The following SEL1L2 variants were observed in gnomAD, a reference collection of about 807,000 sequenced individuals.
The protein encoded by SEL1L2 is protein sel-1 homolog 2.
Under a neutral mutation model 98.8 loss-of-function variants are expected in SEL1L2, and 89 were observed. That is an observed-to-expected ratio of 0.90 (90% CI 0.76 to 1.07). The LOEUF (loss-of-function observed/expected upper bound fraction) is 1.07. Ranked by LOEUF, SEL1L2 falls within the 50% of genes least tolerant of loss-of-function variation. The pLI, the probability that SEL1L2 is intolerant of heterozygous loss-of-function variation, is 0.00. For missense variants in SEL1L2, 788 were observed against 812.0 expected (o/e 0.97, Z 0.36); for synonymous variants, 262 against 278.5 (o/e 0.94, Z 0.59).
intron 10 of SEL1L2, among the ~76,000 whole-genome samples, chr20:13,878,509 C>A (rs1013715197): frequency 6.6e-6 from 1 of 152,126 alleles, no homozygotes; most frequent in South Asian, 2.1e-4. Context: ...TAGGATACGA[C>A]CTTTCTGCTC....
intron 5 of SEL1L2, among the ~76,000 whole-genome samples, chr20:13,897,446 T>C (rs895982068): frequency 2.0e-5 from 3 of 152,134 alleles, no homozygotes; most frequent in Non-Finnish European, 4.4e-5. Flanking sequence ...AGGAAACAAT[T>C]GATACAGTAA....
chr20:13,950,081 A>G (rs1380159815), intron 2 of SEL1L2, among the ~76,000 whole-genome samples: 1 of 152,240 alleles, frequency 6.6e-6, no homozygotes, highest in Non-Finnish European at 1.5e-5. Flanking sequence ...ATTAAAAGAA[A>G]AACACTGTAT....
chr20:13,866,831 C>T lies in SEL1L2; in HGVS notation c.1275G>A (p.Lys425=). ...AATATTTGAAGGCAAGTTTATAATCCTTCCATATTCCAGAGCCAGCTGAAA... is the reference window on the plus strand; with the variant it reads ...AATATTTGAAGGCAAGTTTATAATCTTTCCATATTCCAGAGCCAGCTGAAA... The part of the protein sequence containing the change: ...FMYYSGSGIW[K]DYKLAFKYFY... Residue 425 remains lysine (K), a synonymous_variant, in exon 15 of 20, where the codon AAG becomes AAA. Coordinates refer to ENST00000284951, the MANE Select transcript of SEL1L2 (RefSeq NM_025229.2). 1 of 1,609,204 alleles carries T rather than the reference C, an allele frequency of 6.2e-7. No homozygotes were observed. The highest frequency in any genetic ancestry group is 2.2e-5 in the East Asian group (1 of 44,658).
chr20:13,867,997 G>C lies in SEL1L2; in HGVS notation c.1256-1147C>G, dbSNP rs374200002. ...TCCTCTGACATGAAGGACTTGGTGG[G>C]GATACTCAGGTATGTTCATATCTCC... On this transcript the variant is annotated intron_variant, in intron 14 of 19. Transcript: ENST00000284951. Among the ~76,000 whole-genome samples, 57 of 151,998 alleles carry C rather than the reference G, an allele frequency of 3.8e-4. 1 individual carries two copies. In the East Asian group the frequency reaches 6.8e-3, roughly 18 times the overall value.
At chr20:13,915,189 G>A (rs1285925123) in intron 4 of SEL1L2, 4 of 1,289,516 alleles carry the variant, frequency 3.1e-6, no homozygotes, top group Non-Finnish European at 4.0e-6. Flanking sequence ...GAGCAGAGTA[G>A]TCCAGGCAAG....
intron 1 of SEL1L2, among the ~76,000 whole-genome samples, chr20:13,980,667 C>T (rs1479146546): frequency 1.3e-5 from 2 of 152,096 alleles, no homozygotes; most frequent in South Asian, 2.1e-4. Context: ...ATCAGTATGT[C>T]GAAAAGATGT....
intron 2 of SEL1L2, among the ~76,000 whole-genome samples, chr20:13,944,495 G>A (rs949288289): frequency 1.3e-5 from 2 of 152,188 alleles, no homozygotes; most frequent in East Asian, 1.9e-4. Flanking sequence ...TAAGATTTTT[G>A]TTCTAAGCAT....
At position 13,849,492 on chromosome 20, in the gene SEL1L2, T is replaced by C. The variant is rs752674256; in HGVS notation, c.2060A>G (p.His687Arg). 6.2e-7 allele frequency: 1 copy of C among 1,613,890 alleles called. No individual in the cohort carries two copies. Among genetic ancestry groups the C allele is most frequent in the Non-Finnish European group, 8.5e-7 (1 of 1,179,926 alleles). ...PGLILLLRNH[H>R]G is the part of the protein sequence containing the mutation. The stretch of plus-strand genomic sequence containing the variant: ...TTTCCTGTGATCCGCATCCTACCCA[T>C]GGTGATTTCTAAGCAACAAAATCAG... The change falls in exon 20 of 20, where the codon CAT becomes CGT. Residue 687 changes from histidine to arginine, a missense_variant. Transcript: ENST00000284951.
intron 1 of SEL1L2, among the ~76,000 whole-genome samples, chr20:13,983,037 A>AAAAAAAAAAAAAAAC (rs2051929277): frequency 7.1e-6 from 1 of 141,312 alleles, no homozygotes; most frequent in Admixed American, 7.2e-5. Flanking sequence ...AAAAAAAAAA[A>AAAAAAAAAAAAAAAC]AAAAAAAAAA....
intron 17 of SEL1L2, among the ~76,000 whole-genome samples, 172 bp from the exon 18 acceptor site, chr20:13,859,606 T>C (rs1600476177): frequency 1.3e-5 from 2 of 152,224 alleles, no homozygotes; most frequent in South Asian, 4.1e-4. Flanking sequence ...TTAGATATAC[T>C]TTATGGAATA....
intron 10 of SEL1L2, among the ~76,000 whole-genome samples, chr20:13,882,581 A>G (rs2046756029): frequency 6.6e-6 from 1 of 152,216 alleles, no homozygotes; most frequent in Admixed American, 6.5e-5. Context: ...TGAAGCCATC[A>G]TAAACCAGCC....
intron 12 of SEL1L2, among the ~76,000 whole-genome samples, chr20:13,872,320 T>C (rs1340349981): frequency 2.0e-5 from 3 of 152,186 alleles, no homozygotes; most frequent in Non-Finnish European, 4.4e-5. Context: ...TGGGAGGTAA[T>C]TGAATCATGG....
chr20:13,885,707 A>G (rs964239880), intron 9 of SEL1L2, among the ~76,000 whole-genome samples: 1 of 152,154 alleles, frequency 6.6e-6, no homozygotes, highest in African/African-American at 2.4e-5. Flanking sequence ...CCAAAAACAG[A>G]ACCTTTCTGG....
intron 2 of SEL1L2, among the ~76,000 whole-genome samples, chr20:13,945,084 G>T (rs76662179): frequency 0.023 from 3,515 of 152,236 alleles, 53 homozygotes; most frequent in Non-Finnish European, 0.038. Flanking sequence ...CAGGGTTAAG[G>T]TTTTACCAAT....
Position 13,866,838 on chromosome 20 carries a change from A to T in SEL1L2, c.1268T>A (p.Ile423Lys). 1.2e-6 allele frequency: 2 copies of T among 1,605,600 alleles called. No individual in the cohort carries two copies. The highest frequency in any genetic ancestry group is 1.7e-6 in the Non-Finnish European group (2 of 1,177,482). Residue 423 changes from isoleucine to lysine, a missense_variant, in exon 15 of 20, where the codon ATA becomes AAA. Transcript: ENST00000284951. Reference sequence around the variant, plus strand: ...GAAGGCAAGTTTATAATCCTTCCATATTCCAGAGCCAGCTGAAAATTAAAA... The same window carrying T: ...GAAGGCAAGTTTATAATCCTTCCATTTTCCAGAGCCAGCTGAAAATTAAAA... ...LGFMYYSGSG[I>K]WKDYKLAFKY...
intron 3 of SEL1L2, among the ~76,000 whole-genome samples, chr20:13,924,556 G>T (rs6135022): frequency 6.6e-6 from 1 of 151,982 alleles, no homozygotes; most frequent in East Asian, 1.9e-4. Context: ...CTTCCAAGTA[G>T]CTGGGACTAC....
intron 4 of SEL1L2, among the ~76,000 whole-genome samples, chr20:13,918,088 G>A (rs973271657): frequency 6.6e-6 from 1 of 152,072 alleles, no homozygotes; most frequent in African/African-American, 2.4e-5. Flanking sequence ...ACCGTGCTTG[G>A]CTAGGGCCCA....
intron 18 of SEL1L2, among the ~76,000 whole-genome samples, chr20:13,853,763 C>T (rs1988692263): frequency 6.6e-6 from 1 of 152,154 alleles, no homozygotes; most frequent in African/African-American, 2.4e-5. Flanking sequence ...AGGTTGTCTG[C>T]TTCTAGTATT....
intron 3 of SEL1L2, among the ~76,000 whole-genome samples, chr20:13,924,002 C>T (rs928438644): frequency 6.6e-6 from 1 of 152,158 alleles, no homozygotes; most frequent in East Asian, 1.9e-4. Context: ...TTGATGGATA[C>T]ATGCTTAGAA....
Sources: gnomAD v4.1 joint callset for allele counts (sites outside exome capture counted in the v4.1 genomes callset) on GRCh38, gnomAD v4.1.1 for gene constraint, MANE v1.5 for transcripts, NCBI Gene and HGNC (gene_info 2026-07-23, HGNC 2026-07-21) for gene names.